BABAM2: variants seen among roughly 807,000 people sequenced by gnomAD.
The protein encoded by BABAM2 is BRISC and BRCA1-A complex member 2.
In BABAM2, 31 loss-of-function variants were observed where a neutral mutation model predicts 54.7. The observed-to-expected ratio is 0.57, with a 90% CI of 0.43 to 0.77. BABAM2 has a LOEUF of 0.77. Ranked by LOEUF, BABAM2 falls within the 30% of genes least tolerant of loss-of-function variation. The probability of loss-of-function intolerance (pLI) is 0.00; values close to 1 mark genes in which losing one functional copy is unlikely to be tolerated. For synonymous variants in BABAM2, 167 were observed against 162.9 expected (o/e 1.03, Z -0.19); for missense variants, 364 against 455.8 (o/e 0.80, Z 1.83).
At chr2:28,223,739 G>A (rs1680617257) in intron 7 of BABAM2, among the ~76,000 whole-genome samples, 3 of 152,212 alleles carry the variant, frequency 2.0e-5, no homozygotes, top group Admixed American at 6.5e-5. Flanking sequence ...AACTTCTGAG[G>A]ATAGAAGATT....
intron 2 of BABAM2, among the ~76,000 whole-genome samples, chr2:27,924,063 ATCTG>A (rs751839076): frequency 1.3e-5 from 2 of 152,228 alleles, no homozygotes; most frequent in East Asian, 1.9e-4. Flanking sequence ...TCCTTCTGAA[ATCTG>A]TCTATGTGTG....
intron 7 of BABAM2, among the ~76,000 whole-genome samples, chr2:28,210,926 A>G (rs894953164): frequency 2.6e-5 from 4 of 152,270 alleles, no homozygotes; most frequent in Non-Finnish European, 1.5e-5. Flanking sequence ...ACAGAAAAAT[A>G]AAGTTATTTC....
At chr2:28,088,590 G>C (rs1011874314) in intron 6 of BABAM2, among the ~76,000 whole-genome samples, 2 of 152,282 alleles carry the variant, frequency 1.3e-5, no homozygotes, top group South Asian at 4.1e-4. Flanking sequence ...CTCTAAGCCA[G>C]TGTTGCCCAA....
intron 8 of BABAM2, among the ~76,000 whole-genome samples, 156 bp downstream of exon 8, chr2:28,237,457 A>T (rs903199879): frequency 6.6e-6 from 1 of 152,050 alleles, no homozygotes; most frequent in African/African-American, 2.4e-5. Context: ...ATTACAGTTA[A>T]TCTGTTTCTC....
At chr2:28,068,298 G>A (rs1663804472) in intron 6 of BABAM2, among the ~76,000 whole-genome samples, 2 of 152,082 alleles carry the variant, frequency 1.3e-5, no homozygotes, top group African/African-American at 4.8e-5. Context: ...TGTAGCGAGG[G>A]CACAAAATAC....
At chr2:27,892,631 C>A (rs1261613137) in intron 1 of BABAM2, among the ~76,000 whole-genome samples, 1 of 152,100 alleles carries the variant, frequency 6.6e-6, no homozygotes, top group Non-Finnish European at 1.5e-5. Context: ...ATAATAATTA[C>A]CCATATTATC....
chr2:28,188,675 C>T (rs1313993828), intron 7 of BABAM2, among the ~76,000 whole-genome samples: 1 of 152,144 alleles, frequency 6.6e-6, no homozygotes, highest in Non-Finnish European at 1.5e-5. Context: ...TTAGGTTCTG[C>T]CACCTAGATA....
At chr2:28,184,506 ATG>A (rs1385190646) in intron 7 of BABAM2, among the ~76,000 whole-genome samples, 1 of 124,334 alleles carries the variant, frequency 8.0e-6, no homozygotes, top group Non-Finnish European at 1.6e-5. Flanking sequence ...AGGCCCCGGT[ATG>A]TGATGTTCCC....
At chr2:28,280,081 C>T (rs558382594) in intron 10 of BABAM2, among the ~76,000 whole-genome samples, 12 of 149,590 alleles carry the variant, frequency 8.0e-5, no homozygotes, top group Non-Finnish European at 1.3e-4. Flanking sequence ...TTTTTTGAGA[C>T]GGAGTCTTGA....
chr2:27,907,431 C>T (rs72854429), intron 2 of BABAM2, among the ~76,000 whole-genome samples: 4,782 of 151,860 alleles, frequency 0.031, 263 homozygotes, highest in African/African-American at 0.11. Flanking sequence ...CTGAATTTTT[C>T]ATTTAAAAAA....
chr2:28,116,102 C>T (rs1020186089), intron 6 of BABAM2, among the ~76,000 whole-genome samples: 9 of 149,502 alleles, frequency 6.0e-5, no homozygotes, highest in Non-Finnish European at 1.0e-4. Flanking sequence ...GCAACGAGAG[C>T]GAAACTCCGT....
chr2:28,336,002 G>T (rs1691431765), intron 11 of BABAM2, among the ~76,000 whole-genome samples: 1 of 152,198 alleles, frequency 6.6e-6, no homozygotes, highest in Non-Finnish European at 1.5e-5. Context: ...GAACAGAATA[G>T]ATTTTCTTCC....
At chr2:28,009,064 C>T (rs147503524) in intron 4 of BABAM2, among the ~76,000 whole-genome samples, 51 of 152,118 alleles carry the variant, frequency 3.4e-4, no homozygotes, top group Admixed American at 5.9e-4. Context: ...GAAGGTCTAG[C>T]GAGTTTATAT....
intron 10 of BABAM2, among the ~76,000 whole-genome samples, chr2:28,274,957 C>T (rs1299986691): frequency 2.6e-5 from 4 of 152,228 alleles, no homozygotes; most frequent in Admixed American, 2.6e-4. Context: ...AGTAGCTCCA[C>T]TGCAGGGGGT....
At chr2:28,241,414 A>C in intron 9 of BABAM2, 21 bp downstream of exon 9, 3 of 1,608,336 alleles carry the variant, frequency 1.9e-6, no homozygotes, top group Non-Finnish European at 2.6e-6. Context: ...CCCTGTTTGA[A>C]CGATATACCG....
At chr2:28,082,990 G>A (rs1328780238) in intron 6 of BABAM2, among the ~76,000 whole-genome samples, 4 of 151,494 alleles carry the variant, frequency 2.6e-5, no homozygotes, top group Non-Finnish European at 4.4e-5. Context: ...CTCAGTACCT[G>A]GGTCTTATCT....
intron 7 of BABAM2, among the ~76,000 whole-genome samples, chr2:28,207,294 A>C (rs1389852554): frequency 1.3e-4 from 20 of 151,942 alleles, no homozygotes. Flanking sequence ...GCTTGAGCTC[A>C]GGAGTTCAAG....
chr2:28,334,490 G>A (rs754397993), intron 11 of BABAM2, among the ~76,000 whole-genome samples: 2 of 152,240 alleles, frequency 1.3e-5, no homozygotes, highest in Non-Finnish European at 2.9e-5. Flanking sequence ...GTAAGGTCAG[G>A]GAAGGTGACG....
At chr2:28,220,093 T>TG (rs1239340314) in intron 7 of BABAM2, among the ~76,000 whole-genome samples, 1 of 152,216 alleles carries the variant, frequency 6.6e-6, no homozygotes, top group African/African-American at 2.4e-5. Context: ...GTGGTAAGAT[T>TG]GGATCTTTTG....
Sources: allele counts gnomAD v4.1 joint callset (sites outside exome capture counted in the v4.1 genomes callset), GRCh38; gene constraint gnomAD v4.1.1; transcripts MANE v1.5; gene names NCBI Gene and HGNC (gene_info 2026-07-23, HGNC 2026-07-21).